Variants in FMN2 observed in about 807,000 individuals in gnomAD.
FMN2 encodes formin-2.
A neutral mutation model predicts 142.3 loss-of-function variants in FMN2; 51 were observed. That is an observed-to-expected ratio of 0.36 (90% CI 0.29 to 0.45). The LOEUF (loss-of-function observed/expected upper bound fraction) is 0.45, where lower values mean the gene tolerates loss of function less well. Ranked by LOEUF, FMN2 falls within the 20% of genes least tolerant of loss-of-function variation. The pLI, the probability that FMN2 is intolerant of heterozygous loss-of-function variation, is 1.00. For missense variants in FMN2, 1,936 were observed against 2,122.8 expected, an observed-to-expected ratio of 0.91 and a Z score of 1.73; for synonymous variants, 882 against 869.8, an observed-to-expected ratio of 1.01 and a Z score of -0.25.
intron 2 of FMN2, among the ~76,000 whole-genome samples, chr1:240,159,774 A>T (rs967872078): frequency 1.3e-5 from 2 of 151,562 alleles, no homozygotes; most frequent in Non-Finnish European, 2.9e-5. Flanking sequence ...GAGGGTTTGA[A>T]AGTTTATTTT....
At chr1:240,258,720 T>C (rs1558397892) in intron 7 of FMN2, among the ~76,000 whole-genome samples, 1 of 152,212 alleles carries the variant, frequency 6.6e-6, no homozygotes, top group Non-Finnish European at 1.5e-5. Context: ...CGGCCATTCT[T>C]ATGCCATATC....
At chr1:240,465,804 C>T (rs988121727) in intron 16 of FMN2, among the ~76,000 whole-genome samples, 9 of 152,210 alleles carry the variant, frequency 5.9e-5, no homozygotes, top group African/African-American at 1.9e-4. Context: ...GCTTGGCTTT[C>T]GGTCTGAAAG....
chr1:240,092,454 C>A lies in FMN2; in HGVS notation c.345C>A (p.Leu115=). 6.2e-7 allele frequency: 1 copy of A among 1,610,080 alleles called. No homozygotes were observed. The highest frequency in any genetic ancestry group is 8.5e-7 in the Non-Finnish European group (1 of 1,178,372). ...TGELDSAHSL[L]TKTPDLSLSA... ...AGCTGGACAGCGCTCACTCCCTGCTCACCAAGACTCCAGACCTCAGCCTCT... is the reference window on the plus strand; with the variant it reads ...AGCTGGACAGCGCTCACTCCCTGCTAACCAAGACTCCAGACCTCAGCCTCT... Residue 115 remains leucine, a synonymous_variant, in exon 1 of 18, where the codon CTC becomes CTA. Transcript: ENST00000319653.
intron 16 of FMN2, among the ~76,000 whole-genome samples, chr1:240,461,765 C>T (rs1676458649): frequency 6.6e-6 from 1 of 152,162 alleles, no homozygotes; most frequent in African/African-American, 2.4e-5. Flanking sequence ...AAGAGGCTCT[C>T]TGAGCCCCAG....
At chr1:240,239,038 G>C (rs1292053717) in intron 6 of FMN2, among the ~76,000 whole-genome samples, 1 of 152,134 alleles carries the variant, frequency 6.6e-6, no homozygotes, top group Admixed American at 6.5e-5. Context: ...TGATCTGAGT[G>C]ATAGTTACAA....
At chr1:240,411,297 G>A (rs184978462) in intron 15 of FMN2, among the ~76,000 whole-genome samples, 1 of 152,208 alleles carries the variant, frequency 6.6e-6, no homozygotes, top group African/African-American at 2.4e-5. Context: ...ATTCGGCCGG[G>A]CGCGGTGTTT....
chr1:240,293,929 G>A (rs371317706), intron 7 of FMN2, among the ~76,000 whole-genome samples: 49 of 152,260 alleles, frequency 3.2e-4, no homozygotes, highest in African/African-American at 1.1e-3. Context: ...GAAACTTTGA[G>A]AGAAGAGACA....
chr1:240,323,459 G>T (rs1671050579), intron 8 of FMN2, among the ~76,000 whole-genome samples: 1 of 152,158 alleles, frequency 6.6e-6, no homozygotes, highest in African/African-American at 2.4e-5. Context: ...GGCTCCCAAA[G>T]TGCTGAGATT....
intron 15 of FMN2, among the ~76,000 whole-genome samples, chr1:240,393,317 A>G (rs187609551): frequency 7.9e-5 from 12 of 152,138 alleles, no homozygotes; most frequent in Admixed American, 2.0e-4. Flanking sequence ...TTTTATTTTT[A>G]TTATCTATCA....
intron 4 of FMN2, among the ~76,000 whole-genome samples, chr1:240,193,111 A>G (rs1423977802): frequency 6.6e-6 from 1 of 152,152 alleles, no homozygotes; most frequent in Non-Finnish European, 1.5e-5. Context: ...ATTGAGTTTT[A>G]GATGGTGTAA....
At chr1:240,219,253 T>A (rs1312098567) in intron 6 of FMN2, among the ~76,000 whole-genome samples, 1 of 152,228 alleles carries the variant, frequency 6.6e-6, no homozygotes, top group Non-Finnish European at 1.5e-5. Flanking sequence ...GAATTTAGAT[T>A]AATTGGACCT....
At chr1:240,160,770 A>T (rs1664244076) in intron 2 of FMN2, among the ~76,000 whole-genome samples, 1 of 152,042 alleles carries the variant, frequency 6.6e-6, no homozygotes, top group Non-Finnish European at 1.5e-5. Flanking sequence ...TCTAGAAGAT[A>T]AATAAGAAAT....
chr1:240,388,809 C>A (rs1444927629), intron 14 of FMN2, among the ~76,000 whole-genome samples: 3 of 149,874 alleles, frequency 2.0e-5, no homozygotes, highest in Non-Finnish European at 4.4e-5. Context: ...TTGCAGTGAG[C>A]CGAGATCTCG....
intron 6 of FMN2, among the ~76,000 whole-genome samples, chr1:240,213,402 G>A (rs1358964549): frequency 6.6e-6 from 1 of 152,146 alleles, no homozygotes; most frequent in Non-Finnish European, 1.5e-5. Flanking sequence ...TTTTTGGAGG[G>A]ACAAAAGATT....
intron 2 of FMN2, chr1:240,145,242 G>A: frequency 6.8e-7 from 1 of 1,480,990 alleles, no homozygotes; most frequent in Admixed American, 1.8e-5. Flanking sequence ...TCCTCAGACA[G>A]CTCCTGTTCT....
At chr1:240,234,736 A>G (rs554093662) in intron 6 of FMN2, among the ~76,000 whole-genome samples, 1 of 152,328 alleles carries the variant, frequency 6.6e-6, no homozygotes, top group East Asian at 1.9e-4. Flanking sequence ...GATGAGGATA[A>G]CTTCCTGTAT....
At chr1:240,335,601 T>C (rs958492682) in intron 13 of FMN2, among the ~76,000 whole-genome samples, 6 of 152,116 alleles carry the variant, frequency 3.9e-5, no homozygotes, top group African/African-American at 1.4e-4. Context: ...TCTTGTAAAG[T>C]AGGATTTCAT....
intron 1 of FMN2, among the ~76,000 whole-genome samples, chr1:240,112,822 G>A (rs894360449): frequency 2.0e-5 from 3 of 152,056 alleles, no homozygotes; most frequent in African/African-American, 4.8e-5. Flanking sequence ...GGCCTCCCTG[G>A]CTGACCCTGT....
chr1:240,143,844 T>C (rs1663303235), intron 2 of FMN2: 1 of 1,579,512 alleles, frequency 6.3e-7, no homozygotes, highest in Non-Finnish European at 8.7e-7. Flanking sequence ...GCCACCTCCA[T>C]GCTGGACTTT....
Sources: allele counts gnomAD v4.1 joint callset (sites outside exome capture counted in the v4.1 genomes callset), GRCh38; gene constraint gnomAD v4.1.1; transcripts MANE v1.5; gene names NCBI Gene and HGNC (gene_info 2026-07-23, HGNC 2026-07-21).